CDH13: variants seen among roughly 807,000 people sequenced by gnomAD.
CDH13 encodes the protein cadherin 13, also known as cadherin-13.
A neutral mutation model predicts 63.8 loss-of-function variants in CDH13; 24 were observed. The observed-to-expected ratio is 0.38, with a 90% confidence interval of 0.27 to 0.53. The LOEUF (loss-of-function observed/expected upper bound fraction) is 0.53, where lower values mean the gene tolerates loss of function less well. CDH13 is among the 20% of genes least tolerant of loss of function. CDH13 has a pLI of 0.85. For missense variants in CDH13, 1,049 were observed against 903.1 expected, an observed-to-expected ratio of 1.16 and a Z score of -2.07; for synonymous variants, 503 against 355.3, an observed-to-expected ratio of 1.42 and a Z score of -4.67.
intron 5 of CDH13, among the ~76,000 whole-genome samples, chr16:83,271,301 A>G (rs1318156474): frequency 6.6e-6 from 1 of 151,616 alleles, no homozygotes; most frequent in Non-Finnish European, 1.5e-5. Context: ...GGTGAGTCTT[A>G]CGGATAAGTG....
intron 1 of CDH13, among the ~76,000 whole-genome samples, chr16:82,700,570 T>C (rs945870738): frequency 3.9e-5 from 6 of 151,970 alleles, no homozygotes; most frequent in Non-Finnish European, 1.5e-5. Context: ...TATGTGTAAA[T>C]GTCCATCCCC....
At chr16:82,671,506 G>A (rs10514552) in intron 1 of CDH13, among the ~76,000 whole-genome samples, 2 of 152,038 alleles carry the variant, frequency 1.3e-5, no homozygotes, top group Non-Finnish European at 2.9e-5. Flanking sequence ...TTAAGAAAAC[G>A]ATTACACCTA....
chr16:83,664,925 C>G (rs546848721), intron 8 of CDH13, among the ~76,000 whole-genome samples: 2 of 152,336 alleles, frequency 1.3e-5, no homozygotes, highest in African/African-American at 4.8e-5. Flanking sequence ...CTAGCCCTCT[C>G]ACTTACTGAT....
intron 5 of CDH13, among the ~76,000 whole-genome samples, chr16:83,325,685 C>G (rs1010822276): frequency 6.6e-6 from 1 of 152,152 alleles, no homozygotes; most frequent in African/African-American, 2.4e-5. Flanking sequence ...GATACCTTCA[C>G]GCTCTCTGTT....
Position 83,047,314 on chromosome 16 carries a change from G to C in CDH13, c.366+15096G>C, listed in dbSNP as rs1436690111. 6.6e-6 allele frequency among the ~76,000 whole-genome samples: 1 copy of C among 152,048 alleles called. No individual in the cohort carries two copies. The highest frequency in any genetic ancestry group is 2.4e-5 in the African/African-American group (1 of 41,380). ...CATCTAATCAAAATGCATTATTTCTGTCCTTGCATTGTCCATTCTCGTAAA... is the reference window on the plus strand; with the variant it reads ...CATCTAATCAAAATGCATTATTTCTCTCCTTGCATTGTCCATTCTCGTAAA... On this transcript the variant is annotated intron_variant, in intron 3 of 13. Transcript: ENST00000567109. This position sits in a 1 kb window ranked among gnomAD's most constrained non-coding sequence, Gnocchi z 4.9.
chr16:83,324,982 C>T (rs970852064), intron 5 of CDH13, among the ~76,000 whole-genome samples: 1 of 152,174 alleles, frequency 6.6e-6, no homozygotes, highest in Non-Finnish European at 1.5e-5. Context: ...ACTTGGTCCC[C>T]CTGGATTTTG....
chr16:83,048,357 A>T (rs1917987322), intron 3 of CDH13, among the ~76,000 whole-genome samples: 1 of 152,220 alleles, frequency 6.6e-6, no homozygotes, highest in Non-Finnish European at 1.5e-5. Context: ...TTTCTGAAAC[A>T]CAGGATGGGG....
chr16:83,248,751 A>G (rs924971363), intron 5 of CDH13, among the ~76,000 whole-genome samples: 2 of 151,860 alleles, frequency 1.3e-5, no homozygotes, highest in South Asian at 2.1e-4. Context: ...ATTTCTCATT[A>G]TGTTCCCTCA....
chr16:82,920,139 C>T (rs2042109336), intron 2 of CDH13, among the ~76,000 whole-genome samples: 1 of 152,172 alleles, frequency 6.6e-6, no homozygotes, highest in Non-Finnish European at 1.5e-5. Context: ...GGGCTGGCTT[C>T]AGGCCTGGCT....
intron 2 of CDH13, among the ~76,000 whole-genome samples, chr16:82,881,781 G>T (rs374859029): frequency 3.9e-5 from 6 of 151,992 alleles, no homozygotes; most frequent in South Asian, 2.1e-4. Context: ...GAGGAGGAGG[G>T]GGCTGACTAT....
intron 10 of CDH13, among the ~76,000 whole-genome samples, chr16:83,720,431 AG>A (rs1909538464): frequency 6.6e-6 from 1 of 152,186 alleles, no homozygotes; most frequent in African/African-American, 2.4e-5. Context: ...ACTGCATACC[AG>A]CATTATGCCA....
intron 10 of CDH13, among the ~76,000 whole-genome samples, chr16:83,728,142 G>T (rs1199374182): frequency 6.6e-6 from 1 of 152,166 alleles, no homozygotes; most frequent in Non-Finnish European, 1.5e-5. Context: ...AGCACCGCGG[G>T]CAGGCTTCAG....
intron 3 of CDH13, among the ~76,000 whole-genome samples, chr16:83,076,153 G>C (rs1339603625): frequency 6.6e-6 from 1 of 152,072 alleles, no homozygotes; most frequent in Non-Finnish European, 1.5e-5. Context: ...GGCCCATATG[G>C]GTATCAAACT....
chr16:83,081,126 C>G (rs923671847), intron 3 of CDH13, among the ~76,000 whole-genome samples: 3 of 151,968 alleles, frequency 2.0e-5, no homozygotes, highest in South Asian at 2.1e-4. Flanking sequence ...GGTGATCTGC[C>G]CACCTCAGCC....
intron 4 of CDH13, among the ~76,000 whole-genome samples, chr16:83,147,098 C>T (rs2036783385): frequency 6.6e-6 from 1 of 152,026 alleles, no homozygotes; most frequent in Non-Finnish European, 1.5e-5. Flanking sequence ...AAAAAAAAAG[C>T]CCATGGAGGC....
At chr16:83,229,992 G>C (rs1022210638) in intron 5 of CDH13, among the ~76,000 whole-genome samples, 1 of 152,168 alleles carries the variant, frequency 6.6e-6, no homozygotes, top group East Asian at 1.9e-4. Context: ...GCTGGGAGGA[G>C]AGCCCTGTGC....
intron 1 of CDH13, among the ~76,000 whole-genome samples, chr16:82,656,973 A>G (rs972383183): frequency 6.8e-6 from 1 of 147,134 alleles, no homozygotes; most frequent in Non-Finnish European, 1.5e-5. Context: ...GATGTATCAC[A>G]GTTTATCCAT....
intron 7 of CDH13, among the ~76,000 whole-genome samples, chr16:83,527,515 C>T (rs2074992218): frequency 6.6e-6 from 1 of 152,118 alleles, no homozygotes; most frequent in African/African-American, 2.4e-5. Flanking sequence ...TCTGCGTTAA[C>T]CGCAGCACAG....
intron 1 of CDH13, among the ~76,000 whole-genome samples, chr16:82,659,406 G>T (rs974151420): frequency 1.3e-5 from 2 of 152,166 alleles, no homozygotes; most frequent in African/African-American, 2.4e-5. Flanking sequence ...GGAAGCACGG[G>T]ACTCTGGTTG....
Sources: allele counts gnomAD v4.1 joint callset (sites outside exome capture counted in the v4.1 genomes callset), GRCh38; gene constraint gnomAD v4.1.1; non-coding constraint Gnocchi (gnomAD v3.1); transcripts MANE v1.5; gene names NCBI Gene and HGNC (gene_info 2026-07-23, HGNC 2026-07-21).